ANXA8: variants seen among roughly 807,000 people sequenced by gnomAD.
ANXA8 encodes the protein annexin A8, also known as VAC-beta.
ANXA8 carries 9 observed loss-of-function variants against 26.8 expected under a neutral mutation model. The observed-to-expected ratio is 0.34, with a 90% CI of 0.20 to 0.59. ANXA8 has a LOEUF of 0.59. Among genes scored for constraint, ANXA8 ranks in the 20% least tolerant of loss-of-function variants. The probability of loss-of-function intolerance (pLI) is 0.84; values close to 1 mark genes in which losing one functional copy is unlikely to be tolerated. For missense variants in ANXA8, 83 were observed against 238.5 expected (o/e 0.35, Z 4.29); for synonymous variants, 39 against 94.8 (o/e 0.41, Z 3.42).
chr10:47,576,913 C>G, the ANXA8 span, among the ~76,000 whole-genome samples: 2 of 134,226 alleles, frequency 1.5e-5, no homozygotes, highest in African/African-American at 5.7e-5. Flanking sequence ...AAATTCAAAG[C>G]AGGATAAACT....
the ANXA8 span, among the ~76,000 whole-genome samples, chr10:47,705,730 T>C: frequency 6.6e-6 from 1 of 152,050 alleles, no homozygotes; most frequent in Non-Finnish European, 1.5e-5. Context: ...CTAAATAAAG[T>C]ATATTCTAAA....
At chr10:47,539,240 CA>C in the ANXA8 span, 2 of 142,464 alleles carry the variant, frequency 1.4e-5, no homozygotes, top group Admixed American at 1.3e-4. Flanking sequence ...TCAAGTACAG[CA>C]AAAAGAGAAG....
upstream of ANXA8, chr10:47,487,074 A>G: frequency 4.8e-6 from 3 of 629,826 alleles, no homozygotes; most frequent in Non-Finnish European, 8.2e-6. Flanking sequence ...GGTGATAGAC[A>G]CCCCAAACAC....
chr10:47,765,133 A>C, the ANXA8 span, among the ~76,000 whole-genome samples: 2 of 148,368 alleles, frequency 1.3e-5, no homozygotes, highest in Non-Finnish European at 3.0e-5. Flanking sequence ...ATCCAGGATA[A>C]CCACCACCCC....
the ANXA8 span, among the ~76,000 whole-genome samples, chr10:47,553,787 T>C: frequency 2.7e-5 from 4 of 149,540 alleles, no homozygotes; most frequent in African/African-American, 9.8e-5. Flanking sequence ...GAGTCCTTGC[T>C]GAAGGCCAGG....
chr10:47,521,979 G>C, the ANXA8 span, among the ~76,000 whole-genome samples: 1 of 150,724 alleles, frequency 6.6e-6, no homozygotes, highest in African/African-American at 2.5e-5. Flanking sequence ...TAGAGACAGC[G>C]TTTCACCATG....
chr10:47,692,960 C>G, the ANXA8 span, among the ~76,000 whole-genome samples: 3 of 151,452 alleles, frequency 2.0e-5, no homozygotes, highest in African/African-American at 7.3e-5. Context: ...GTTTCGAACT[C>G]CTGTCCTCAG....
At chr10:47,958,085 TC>T in the ANXA8 span, among the ~76,000 whole-genome samples, 1 of 150,190 alleles carries the variant, frequency 6.7e-6, no homozygotes, top group Non-Finnish European at 1.5e-5. Flanking sequence ...TTCAACCCAC[TC>T]CAGGATTTTA....
At chr10:47,954,314 C>T in the ANXA8 span, among the ~76,000 whole-genome samples, 1 of 151,054 alleles carries the variant, frequency 6.6e-6, no homozygotes, top group Non-Finnish European at 1.5e-5. Flanking sequence ...TTTGCATGTT[C>T]TTACTCATTT....
the ANXA8 span, among the ~76,000 whole-genome samples, chr10:47,771,553 C>T: frequency 6.6e-6 from 1 of 151,672 alleles, no homozygotes; most frequent in African/African-American, 2.4e-5. Context: ...TTCTTTACAA[C>T]CACCATCTAT....
At chr10:47,576,455 CTTTT>C in the ANXA8 span, among the ~76,000 whole-genome samples, 11 of 74,170 alleles carry the variant, frequency 1.5e-4, no homozygotes, top group African/African-American at 4.7e-4. Context: ...ACATCCCTAT[CTTTT>C]TTTTTTTTTT....
the ANXA8 span, among the ~76,000 whole-genome samples, chr10:47,944,062 A>G: frequency 2.0e-5 from 3 of 147,146 alleles, no homozygotes; most frequent in Non-Finnish European, 4.5e-5. Context: ...AATGCCATAC[A>G]CCACGTGGCA....
At chr10:47,639,816 T>C in the ANXA8 span, among the ~76,000 whole-genome samples, 13 of 141,600 alleles carry the variant, frequency 9.2e-5, no homozygotes, top group Admixed American at 9.0e-4. Flanking sequence ...TCTACTCTGT[T>C]GCTGAGGCTG....
chr10:47,716,771 G>T, the ANXA8 span, among the ~76,000 whole-genome samples: 1 of 18,654 alleles, frequency 5.4e-5, no homozygotes, highest in Non-Finnish European at 8.8e-5. Flanking sequence ...AATGGAAGTT[G>T]CCTATGGTCA....
At chr10:47,666,447 T>C in the ANXA8 span, among the ~76,000 whole-genome samples, 20 of 151,732 alleles carry the variant, frequency 1.3e-4, no homozygotes, top group Non-Finnish European at 2.4e-4. Flanking sequence ...AAGAGAGGAA[T>C]GCTGTGGTTA....
the ANXA8 span, among the ~76,000 whole-genome samples, chr10:47,947,889 C>T: frequency 6.6e-6 from 1 of 150,876 alleles, no homozygotes; most frequent in Non-Finnish European, 1.5e-5. Flanking sequence ...CTCCAGGAGG[C>T]TGGGCAAAGG....
At chr10:47,558,421 G>C in the ANXA8 span, among the ~76,000 whole-genome samples, 1 of 151,724 alleles carries the variant, frequency 6.6e-6, no homozygotes, top group Non-Finnish European at 1.5e-5. Flanking sequence ...GTGGACTCCT[G>C]CTCTTTGTTA....
At chr10:47,669,448 G>T in the ANXA8 span, among the ~76,000 whole-genome samples, 1 of 151,260 alleles carries the variant, frequency 6.6e-6, no homozygotes, top group East Asian at 1.9e-4. Flanking sequence ...GCCAGGCGTG[G>T]TGGCTCAGGC....
the ANXA8 span, among the ~76,000 whole-genome samples, chr10:47,982,834 A>ATATATATATATATATATATATATAT: frequency 4.4e-5 from 3 of 67,604 alleles, no homozygotes; most frequent in Non-Finnish European, 6.2e-5. Context: ...ATATATATAT[A>ATATATATATATATATATATATATAT]AAATTTGATA....
Sources: gnomAD v4.1 joint callset for allele counts (sites outside exome capture counted in the v4.1 genomes callset) on GRCh38, gnomAD v4.1.1 for gene constraint, MANE v1.5 for transcripts, NCBI Gene and HGNC (gene_info 2026-07-23, HGNC 2026-07-21) for gene names.